Variants in CCDC3 observed in about 807,000 individuals in gnomAD.
The protein encoded by CCDC3 is coiled-coil domain containing 3, also known as coiled-coil domain-containing protein 3.
In CCDC3, 24 loss-of-function variants were observed where a neutral mutation model predicts 21.4. The observed-to-expected ratio is 1.12, with a 90% CI of 0.81 to 1.58. CCDC3 has a LOEUF of 1.58. CCDC3 is among the 40% of genes most tolerant of loss of function. The pLI, the probability that CCDC3 is intolerant of heterozygous loss-of-function variation, is 0.00. For missense variants in CCDC3, 425 were observed against 360.9 expected, an observed-to-expected ratio of 1.18 and a Z score of -1.44; for synonymous variants, 186 against 166.0, an observed-to-expected ratio of 1.12 and a Z score of -0.93.
At chr10:12,928,083 AAC>A (rs1834574436) in intron 2 of CCDC3, among the ~76,000 whole-genome samples, 1 of 152,222 alleles carries the variant, frequency 6.6e-6, no homozygotes, top group Non-Finnish European at 1.5e-5. Flanking sequence ...AGCGTGTTAC[AAC>A]ACAGCCAAGG....
intron 2 of CCDC3, among the ~76,000 whole-genome samples, chr10:12,986,823 A>G (rs1835603790): frequency 6.6e-6 from 1 of 152,162 alleles, no homozygotes; most frequent in South Asian, 2.1e-4. Context: ...TAATCCCTGT[A>G]AAATAGGAAA....
intron 2 of CCDC3, among the ~76,000 whole-genome samples, chr10:12,990,443 A>C (rs1335308793): frequency 6.6e-6 from 1 of 152,212 alleles, no homozygotes; most frequent in Non-Finnish European, 1.5e-5. Context: ...GGCTTTCTTC[A>C]TGAAACACTA....
rs1211432854 is a variant in CCDC3 at position 13,056,692 on chromosome 10, GT to G, written c.-269-6752del. 2.0e-5 allele frequency among the ~76,000 whole-genome samples: 3 copies of G among 152,324 alleles called. No individual in the cohort carries two copies. In the East Asian group the frequency reaches 5.8e-4, roughly 29 times the overall value. The stretch of plus-strand genomic sequence containing the variant: ...AATAAAAAGCAGGGAGGTGGACTGG[GT>G]TATGGTTGGGCCTGGGGTCAGAGTA... On this transcript the variant is annotated intron_variant, in intron 4 of 6. Coordinates refer to the CCDC3 transcript ENST00000378839.
chr10:12,990,033 A>ACC (rs1835656858), intron 2 of CCDC3, among the ~76,000 whole-genome samples: 2 of 152,038 alleles, frequency 1.3e-5, no homozygotes, highest in Admixed American at 6.6e-5. Context: ...CGGGCAGATC[A>ACC]TGAGGTCAGG....
At chr10:12,906,734 C>T (rs1834178767) in intron 2 of CCDC3, among the ~76,000 whole-genome samples, 1 of 152,142 alleles carries the variant, frequency 6.6e-6, no homozygotes, top group South Asian at 2.1e-4. Flanking sequence ...AGCCTCTTCC[C>T]TAGAACTGCT....
intron 3 of CCDC3, among the ~76,000 whole-genome samples, chr10:13,083,073 G>A (rs902798708): frequency 5.9e-5 from 9 of 152,048 alleles, no homozygotes; most frequent in Non-Finnish European, 1.0e-4. Flanking sequence ...CAACGACAAG[G>A]GGAAAATTTG....
At chr10:12,948,986 C>A (rs990988778) in intron 2 of CCDC3, among the ~76,000 whole-genome samples, 1 of 152,028 alleles carries the variant, frequency 6.6e-6, no homozygotes, top group African/African-American at 2.4e-5. Context: ...CCGCCTCGGC[C>A]TCCCAAAGTG....
intron 2 of CCDC3, among the ~76,000 whole-genome samples, chr10:12,988,226 T>C (rs1564310875): frequency 6.6e-6 from 1 of 152,186 alleles, no homozygotes; most frequent in Non-Finnish European, 1.5e-5. Flanking sequence ...TTGGGGCCAA[T>C]TGCAATGGCT....
At chr10:12,997,927 A>G (rs558722917) in intron 2 of CCDC3, among the ~76,000 whole-genome samples, 1 of 152,216 alleles carries the variant, frequency 6.6e-6, no homozygotes, top group Non-Finnish European at 1.5e-5. Flanking sequence ...GCAAAAAAAA[A>G]TTGCAGAAAA....
At chr10:12,916,183 C>T (rs942590554) in intron 2 of CCDC3, among the ~76,000 whole-genome samples, 5 of 152,162 alleles carry the variant, frequency 3.3e-5, no homozygotes, top group Non-Finnish European at 7.4e-5. Flanking sequence ...CCTGAAGTCC[C>T]AGCACTTTGG....
At chr10:13,094,242 AGATGATGATGATGATGATGAT>A (rs71386151) in intron 3 of CCDC3, among the ~76,000 whole-genome samples, 36 of 146,856 alleles carry the variant, frequency 2.5e-4, no homozygotes, top group African/African-American at 7.8e-4. Context: ...TTACTTTTCA[AGATGATGATGATGATGATGAT>A]GATGATGATG....
intron 5 of CCDC3, among the ~76,000 whole-genome samples, chr10:13,027,388 T>C (rs34100186): frequency 0.12 from 17,882 of 152,180 alleles, 1,455 homozygotes; most frequent in Non-Finnish European, 0.18. Context: ...TTCCCATCTG[T>C]CATATTTATC....
intron 4 of CCDC3, among the ~76,000 whole-genome samples, chr10:13,069,615 C>A (rs1156378693): frequency 2.0e-5 from 3 of 152,062 alleles, no homozygotes; most frequent in South Asian, 2.1e-4. Flanking sequence ...CTACAGAGGG[C>A]CCCTGGAGTA....
chr10:13,038,260 G>A (rs143634448), intron 5 of CCDC3, among the ~76,000 whole-genome samples: 3 of 151,856 alleles, frequency 2.0e-5, no homozygotes, highest in East Asian at 3.9e-4. Flanking sequence ...AATGGATTCC[G>A]GGCTTAATAC....
rs1477804036 is a variant in CCDC3 at position 12,997,234 on chromosome 10, C to T, written c.549+1104G>A. Among the ~76,000 whole-genome samples the T allele has an allele frequency of 6.1e-5, 5 of 82,284 alleles. No individual in the cohort carries two copies. In the East Asian group the frequency reaches 1.9e-3, roughly 31 times the overall value. 54.0% of individuals were successfully genotyped at this position (82,284 alleles called of 152,430 possible). A position where few individuals can be genotyped will look rare whatever the true frequency, so the allele number is the denominator to read the frequency against. On this transcript the variant is annotated intron_variant, in intron 2 of 2. Coordinates refer to ENST00000378825, the MANE Select transcript of CCDC3 (RefSeq NM_031455.4). The stretch of plus-strand genomic sequence containing the variant: ...GTCTCTTAACATGTGCAAATGGGTT[C>T]GTTAATGGAAAAAAAAAAAAAAAGT...
chr10:13,001,394 G>T lies in CCDC3; in HGVS notation c.177C>A (p.Tyr59Ter), dbSNP rs1425868464. The T allele has an allele frequency of 6.3e-7, 1 of 1,577,958 alleles. No homozygotes were observed. The highest frequency in any genetic ancestry group is 8.6e-7 in the Non-Finnish European group (1 of 1,163,016). The change falls in exon 1 of 3, where the codon TAC (tyrosine) becomes TAA (stop). Residue 59 changes from tyrosine (Y) to a stop codon, truncating the protein, a stop_gained. Transcript: ENST00000378825. LOFTEE classifies it high-confidence loss of function. ...LALHPEAPGL[Y>*]NHLPWQYHAG... ...CGTGGTACTGCCAGGGCAGGTGGTT[G>T]TAGAGGCCGGGCGCCTCGGGGTGCA...
At chr10:12,994,878 C>T (rs1835736182) in intron 2 of CCDC3, among the ~76,000 whole-genome samples, 1 of 151,900 alleles carries the variant, frequency 6.6e-6, no homozygotes, top group South Asian at 2.1e-4. Context: ...GTCAGGAGTT[C>T]AAGACCAGCC....
At chr10:12,941,132 G>T (rs7083713) in intron 2 of CCDC3, among the ~76,000 whole-genome samples, 1 of 152,116 alleles carries the variant, frequency 6.6e-6, no homozygotes, top group African/African-American at 2.4e-5. Context: ...GATAAAACAG[G>T]TTGCAGTAAA....
chr10:12,916,000 T>C (rs1320395346), intron 2 of CCDC3, among the ~76,000 whole-genome samples: 1 of 151,886 alleles, frequency 6.6e-6, no homozygotes, highest in Non-Finnish European at 1.5e-5. Flanking sequence ...GGGTTCACAG[T>C]GGATGGTCCT....
Sources: gnomAD v4.1 joint callset for allele counts (sites outside exome capture counted in the v4.1 genomes callset) on GRCh38, gnomAD v4.1.1 for gene constraint, MANE v1.5 for transcripts, NCBI Gene and HGNC (gene_info 2026-07-23, HGNC 2026-07-21) for gene names.